The following PDE3B variants were observed in gnomAD, a reference collection of about 807,000 sequenced individuals.
PDE3B encodes cGMP-inhibited 3',5'-cyclic phosphodiesterase 3B.
PDE3B carries 66 observed loss-of-function variants against 116.8 expected under a neutral mutation model. That is an observed-to-expected ratio of 0.56 (90% CI 0.46 to 0.69). PDE3B has a LOEUF of 0.69. PDE3B is among the 30% of genes least tolerant of loss of function. The probability of loss-of-function intolerance (pLI) is 0.00; values close to 1 mark genes in which losing one functional copy is unlikely to be tolerated. For missense variants in PDE3B, 1,384 were observed against 1,368.1 expected, an observed-to-expected ratio of 1.01 and a Z score of -0.18; for synonymous variants, 595 against 533.6, an observed-to-expected ratio of 1.12 and a Z score of -1.59.
chr11:14,735,341 TAATA>T (rs1011374964), intron 1 of PDE3B, among the ~76,000 whole-genome samples: 1 of 152,202 alleles, frequency 6.6e-6, no homozygotes, highest in African/African-American at 2.4e-5. Flanking sequence ...TGGAGCTATA[TAATA>T]AATGTTAAGA....
At chr11:14,891,158 A>G in the PDE3B span, 1 of 985,462 alleles carries the variant, frequency 1.0e-6, no homozygotes, top group Non-Finnish European at 1.2e-6. Context: ...CCCACACACA[A>G]GCGGTGGTCG....
intron 1 of PDE3B, among the ~76,000 whole-genome samples, chr11:14,715,029 T>G (rs1855835228): frequency 6.6e-6 from 1 of 152,160 alleles, no homozygotes. Context: ...AGGTATTTAT[T>G]AATTAATTGT....
chr11:14,744,871 CAATG>C (rs572455627), intron 1 of PDE3B, among the ~76,000 whole-genome samples: 213 of 152,218 alleles, frequency 1.4e-3, no homozygotes, highest in Non-Finnish European at 2.9e-4. Context: ...TTAATATTGA[CAATG>C]AATAAAAGCC....
Position 14,644,531 on chromosome 11 carries a change from G to A in PDE3B, c.456G>A (p.Trp152Ter). Residue 152 changes from tryptophan (W) to a stop codon, truncating the protein, a stop_gained, in exon 1 of 16, where the codon TGG (tryptophan) becomes TGA (stop). Transcript: ENST00000282096. LOFTEE classifies it high-confidence loss of function. Reference protein sequence around the residue: ...GPGPGRSCGSWWLLALPACCY... With the variant: ...GPGPGRSCGS ...GCCCGGGCCGGAGCTGCGGCTCCTG[G>A]TGGCTGCTGGCGCTGCCCGCCTGCT... is the stretch of plus-strand genomic sequence containing the variant. 2 of 1,605,604 alleles carry A rather than the reference G, an allele frequency of 1.2e-6. No individual in the cohort carries two copies. Among genetic ancestry groups the A allele is most frequent in the Non-Finnish European group, 1.7e-6 (2 of 1,176,264 alleles).
intron 1 of PDE3B, among the ~76,000 whole-genome samples, chr11:14,675,693 G>A (rs931824137): frequency 3.9e-5 from 6 of 151,952 alleles, no homozygotes; most frequent in African/African-American, 7.3e-5. Context: ...TATATCAGTC[G>A]TGAATATATT....
chr11:14,823,794 C>A (rs751739092), intron 7 of PDE3B, among the ~76,000 whole-genome samples: 1 of 152,134 alleles, frequency 6.6e-6, no homozygotes, highest in African/African-American at 2.4e-5. Context: ...AGAAAAGTAA[C>A]CAGATTGTTT....
At chr11:14,867,312 G>A (rs1371644429) in intron 14 of PDE3B, among the ~76,000 whole-genome samples, 194 bp from the exon 15 acceptor site, 1 of 152,144 alleles carries the variant, frequency 6.6e-6, no homozygotes, top group Non-Finnish European at 1.5e-5. Flanking sequence ...TGAACAGAAT[G>A]TGAGAATAAA....
intron 7 of PDE3B, among the ~76,000 whole-genome samples, chr11:14,821,694 G>T (rs1305354151): frequency 6.6e-6 from 1 of 151,990 alleles, no homozygotes; most frequent in Admixed American, 6.6e-5. Context: ...AATACTTCCA[G>T]ATCATCATCT....
At chr11:14,688,332 C>G (rs987933202) in intron 1 of PDE3B, among the ~76,000 whole-genome samples, 12 of 152,200 alleles carry the variant, frequency 7.9e-5, no homozygotes, top group African/African-American at 2.9e-4. Flanking sequence ...TGTTTTTAAG[C>G]TTAGAGAAAA....
chr11:14,844,513 C>T (rs866680844), intron 12 of PDE3B, among the ~76,000 whole-genome samples: 9 of 152,270 alleles, frequency 5.9e-5, no homozygotes, highest in Non-Finnish European at 1.0e-4. Flanking sequence ...GCACCGTGCG[C>T]GAGCCGAAGC....
In PDE3B at chr11:14,644,298, T is replaced by C. The variant is rs763712671; in HGVS notation, c.223T>C (p.Phe75Leu). Reference protein sequence around the residue: ...SPQQPRRCSPFCRARLSLGAL... With the variant: ...SPQQPRRCSPLCRARLSLGAL... ...CCAGCAGCCGCGGCGCTGCTCCCCC[T>C]TCTGCCGGGCGCGCCTCTCGCTGGG... The change falls in exon 1 of 16, where the codon TTC (phenylalanine) becomes CTC (leucine). Residue 75 changes from phenylalanine to leucine, a missense_variant. Physicochemically the swap from Phe to Leu is conservative, Grantham distance 22. Transcript: ENST00000282096. 2 of 1,564,948 alleles carry C rather than the reference T, an allele frequency of 1.3e-6. No homozygotes were observed.
At chr11:14,782,920 AAATC>A (rs1858066066) in intron 2 of PDE3B, among the ~76,000 whole-genome samples, 1 of 152,204 alleles carries the variant, frequency 6.6e-6, no homozygotes, top group Non-Finnish European at 1.5e-5. Context: ...TACAAGAAAA[AAATC>A]AAACAACCCC....
chr11:14,696,286 C>T (rs1331989055), intron 1 of PDE3B, among the ~76,000 whole-genome samples: 1 of 152,048 alleles, frequency 6.6e-6, no homozygotes, highest in Non-Finnish European at 1.5e-5. Context: ...TTTCGTATGT[C>T]TGTTGGCTAC....
chr11:14,819,602 A>G (rs1565151596), intron 7 of PDE3B, among the ~76,000 whole-genome samples: 1 of 152,202 alleles, frequency 6.6e-6, no homozygotes, highest in Admixed American at 6.5e-5. Flanking sequence ...TTGTATCCTC[A>G]TACAAGACAT....
intron 12 of PDE3B, among the ~76,000 whole-genome samples, chr11:14,856,391 A>G (rs1590197598): frequency 6.6e-6 from 1 of 152,324 alleles, no homozygotes; most frequent in East Asian, 1.9e-4. Flanking sequence ...ATCCTGAGAT[A>G]ACAGCTGTTT....
intron 1 of PDE3B, among the ~76,000 whole-genome samples, chr11:14,724,518 C>A (rs1467093052): frequency 6.6e-6 from 1 of 152,104 alleles, no homozygotes; most frequent in South Asian, 2.1e-4. Context: ...AGGAAATGCT[C>A]ATTTGGAGCA....
intron 15 of PDE3B, 26 bp from the exon 16 acceptor site, chr11:14,869,435 G>C (rs782212938): frequency 6.3e-6 from 10 of 1,586,920 alleles, no homozygotes; most frequent in Non-Finnish European, 7.7e-6. Flanking sequence ...GCTATGATTA[G>C]AATATATTTA....
At chr11:14,790,350 G>A (rs1321276173) in intron 4 of PDE3B, among the ~76,000 whole-genome samples, 2 of 148,570 alleles carry the variant, frequency 1.3e-5, no homozygotes, top group African/African-American at 2.5e-5. Context: ...TTTTTGTAAA[G>A]GAAGCAGGAT....
chr11:14,867,069 A>G (rs1315568601), intron 14 of PDE3B, among the ~76,000 whole-genome samples: 1 of 152,032 alleles, frequency 6.6e-6, no homozygotes, highest in Non-Finnish European at 1.5e-5. Flanking sequence ...GCTGTTAAAA[A>G]AAAAAAAAAA....
Sources: allele counts gnomAD v4.1 joint callset (sites outside exome capture counted in the v4.1 genomes callset), GRCh38; gene constraint gnomAD v4.1.1; transcripts MANE v1.5; gene names NCBI Gene and HGNC (gene_info 2026-07-23, HGNC 2026-07-21).